The following CYLC2 variants were observed in gnomAD, a reference collection of about 807,000 sequenced individuals.
CYLC2 encodes cylicin-2.
Under a neutral mutation model 26.1 loss-of-function variants are expected in CYLC2, and 30 were observed. The ratio of observed to expected loss-of-function variants is 1.15; its 90% CI spans 0.86 to 1.56. The LOEUF (loss-of-function observed/expected upper bound fraction) is 1.56. CYLC2 is among the 40% of genes most tolerant of loss of function. The probability of loss-of-function intolerance (pLI) is 0.00; values close to 1 mark genes in which losing one functional copy is unlikely to be tolerated. For synonymous variants in CYLC2, 158 were observed against 132.8 expected (o/e 1.19, Z -1.31); for missense variants, 498 against 394.4 (o/e 1.26, Z -2.23).
intron 2 of CYLC2, among the ~76,000 whole-genome samples, chr9:103,002,486 C>T (rs1325434247): frequency 2.6e-5 from 4 of 151,170 alleles, no homozygotes; most frequent in African/African-American, 9.7e-5. Context: ...CTGCCTCAGC[C>T]TCCTGAGTAG....
At position 103,005,806 on chromosome 9, in the gene CYLC2, G is replaced by T; in HGVS notation, c.*128G>T. 9.8e-7 allele frequency: 1 copy of T among 1,021,768 alleles called. No homozygotes were observed. The allele number at this position is 1,021,768 out of a possible 1,614,324, so 63.3% of individuals were successfully genotyped here. A position where few individuals can be genotyped will look rare whatever the true frequency, so the allele number is the denominator to read the frequency against. On this transcript the variant is annotated 3_prime_UTR_variant, in exon 5 of 8. Transcript: ENST00000374798. The stretch of plus-strand genomic sequence containing the variant: ...AAGAATTAAATAATTTTTAAAAGGT[G>T]GTAAAGAAGGATACAAAGGAGAACT...
chr9:103,016,790 A>T (rs1829510842), intron 6 of CYLC2, 98 bp from the exon 7 acceptor site: 3 of 152,142 alleles, frequency 2.0e-5, no homozygotes, highest in Admixed American at 1.3e-4. Context: ...AGATGGCTGA[A>T]CATGAAAGAT....
chr9:103,003,648 A>T (rs1829310743), intron 3 of CYLC2, among the ~76,000 whole-genome samples: 2 of 152,204 alleles, frequency 1.3e-5, no homozygotes, highest in African/African-American at 2.4e-5. Flanking sequence ...ATTTTACTGT[A>T]TACAGTTGCC....
At chr9:103,012,483 C>A (rs1442058692) in intron 6 of CYLC2, among the ~76,000 whole-genome samples, 1 of 151,880 alleles carries the variant, frequency 6.6e-6, no homozygotes, top group Admixed American at 6.6e-5. Context: ...CCATTCTAAG[C>A]CTTGTATATA....
Position 103,004,711 on chromosome 9 carries a change from A to C in CYLC2, c.197A>C (p.Gln66Pro). Residue 66 changes from glutamine to proline, a missense_variant, in exon 4 of 8, where the codon CAA (glutamine) becomes CCA (proline). Physicochemically the swap from Gln to Pro is moderately conservative, Grantham distance 76 (BLOSUM62 -1). Coordinates refer to ENST00000374798, the MANE Select transcript of CYLC2 (RefSeq NM_001340.5). ...ATCTTTCAGATAATTGATGAAGAAC[A>C]ATTAAGAGGAGATCGTAGACAACCA... The part of the protein sequence containing the change: ...DNTVSIIDEE[Q>P]LRGDRRQPLW... 1 of 1,591,914 alleles carries C rather than the reference A, an allele frequency of 6.3e-7. No individual in the cohort carries two copies. Among genetic ancestry groups the C allele is most frequent in the Non-Finnish European group, 8.5e-7 (1 of 1,173,362 alleles).
chr9:103,002,392 GTC>G (rs1829297880), intron 2 of CYLC2, among the ~76,000 whole-genome samples: 1 of 103,214 alleles, frequency 9.7e-6, no homozygotes, highest in African/African-American at 3.9e-5. Context: ...TTGAGACAGA[GTC>G]TTGCTCTGTC....
At chr9:103,014,400 G>C (rs1382761556) in intron 6 of CYLC2, among the ~76,000 whole-genome samples, 1 of 101,982 alleles carries the variant, frequency 9.8e-6, no homozygotes, top group Non-Finnish European at 1.9e-5. Context: ...ATAACATAAT[G>C]TATGTTACGT....
intron 5 of CYLC2, among the ~76,000 whole-genome samples, chr9:103,007,662 C>A (rs570635628): frequency 6.6e-6 from 1 of 152,194 alleles, no homozygotes; most frequent in Admixed American, 6.5e-5. Flanking sequence ...AATTAAATGA[C>A]AATTCATTTA....
intron 1 of CYLC2, among the ~76,000 whole-genome samples, chr9:102,997,812 T>C (rs1258508632): frequency 6.6e-6 from 1 of 151,864 alleles, no homozygotes; most frequent in Non-Finnish European, 1.5e-5. Context: ...TGTATTTAGA[T>C]TAAAATATAA....
chr9:103,014,465 T>TAATATACATAATATGTATATTATGC (rs1564101165), intron 6 of CYLC2, among the ~76,000 whole-genome samples: 24 of 136,272 alleles, frequency 1.8e-4, no homozygotes, highest in South Asian at 7.1e-4. Flanking sequence ...GTATATTACG[T>TAATATACATAATATGTATATTATGC]AATATACATA....
rs754723609 is a variant in CYLC2, at chr9:103,005,460, C to A, written c.829C>A (p.Pro277Thr). ...AAAAGGTAAGAAAGATAAGAAGAAG[C>A]CCAGTAGTACAGACAGTGACTCAAA... ...IKKGKKDKKK[P>T]SSTDSDSKDD... Residue 277 changes from proline (P) to threonine (T), a missense_variant, in exon 5 of 8, where the codon CCC (proline) becomes ACC (threonine). Transcript: ENST00000374798. The A allele has an allele frequency of 6.2e-7, 1 of 1,613,078 alleles. No homozygotes were observed. Among genetic ancestry groups the A allele is most frequent in the Non-Finnish European group, 8.5e-7 (1 of 1,179,768 alleles).
In CYLC2 at chr9:103,005,082, AAAG is replaced by A. The variant is rs1322947231; in HGVS notation, c.457_459del (p.Glu153del). 6.2e-7 allele frequency: 1 copy of A among 1,606,822 alleles called. No individual in the cohort carries two copies. The highest frequency in any genetic ancestry group is 2.2e-5 in the East Asian group (1 of 44,790). On this transcript the variant is annotated inframe_deletion, in exon 5 of 8. Transcript: ENST00000374798. ...GAAAGGCAAGGATATAGAGAAAGGA[AAAG>A]AAGAAAAGCTAGATGCAAAGAAAGA...
At chr9:103,008,107 C>T (rs1032576751) in intron 5 of CYLC2, among the ~76,000 whole-genome samples, 1 of 152,004 alleles carries the variant, frequency 6.6e-6, no homozygotes, top group Non-Finnish European at 1.5e-5. Flanking sequence ...GAAATGTTAC[C>T]ATCTCTCTGA....
At chr9:103,013,485 A>C (rs1286132872) in intron 6 of CYLC2, among the ~76,000 whole-genome samples, 2 of 106,732 alleles carry the variant, frequency 1.9e-5, no homozygotes, top group Non-Finnish European at 3.4e-5. Context: ...ATATATATTT[A>C]ACATATTACA....
At chr9:103,013,167 T>TAAATATATATTTAATATATTATAA (rs1829429468) in intron 6 of CYLC2, among the ~76,000 whole-genome samples, 1 of 135,590 alleles carries the variant, frequency 7.4e-6, no homozygotes, top group Non-Finnish European at 1.5e-5. Context: ...ATATATTATA[T>TAAATATATATTTAATATATTATAA]AAATATATAT....
At position 103,013,345 on chromosome 9, in the gene CYLC2, A is replaced by AATATATATTTAATATAATATAT; in HGVS notation, c.*816+1249_*816+1250insTATATATTTAATATAATATATA. 1.8e-4 allele frequency among the ~76,000 whole-genome samples: 3 copies of AATATATATTTAATATAATATAT among 16,630 alleles called. 1 individual carries two copies. The South Asian group carries it at 0.017, about 94-fold the overall frequency. The allele number at this position is 16,630 out of a possible 152,430, so 10.9% of individuals were successfully genotyped here. ...CCTATATATATTTAATATATTATATAAATATATATTATATAAATATATATT... is the reference window on the plus strand; with the variant it reads ...CCTATATATATTTAATATATTATATAATATATATTTAATATAATATATAATATATATTATATAAATATATATT... On this transcript the variant is annotated intron_variant, in intron 6 of 7. Coordinates refer to ENST00000374798, the MANE Select transcript of CYLC2 (RefSeq NM_001340.5).
chr9:103,014,457 A>G (rs1587856130), intron 6 of CYLC2, among the ~76,000 whole-genome samples: 1 of 132,624 alleles, frequency 7.5e-6, no homozygotes, highest in South Asian at 2.5e-4. Flanking sequence ...TACATAATGT[A>G]TATTACGTAA....
At chr9:103,012,673 T>A (rs1318643022) in intron 6 of CYLC2, among the ~76,000 whole-genome samples, 3 of 152,064 alleles carry the variant, frequency 2.0e-5, no homozygotes, top group Admixed American at 1.3e-4. Flanking sequence ...AATTGAGTTT[T>A]CTTATCAGGC....
chr9:103,005,499 A>G lies in CYLC2; in HGVS notation c.868A>G (p.Lys290Glu). ...TDSDSKDDVK[K>E]ESKKDATKDA... is the part of the protein sequence containing the mutation. ...CAGTGACTCAAAGGATGATGTCAAG[A>G]AAGAGTCTAAGAAGGACGCCACGAA... The change falls in exon 5 of 8, where the codon AAA becomes GAA. Residue 290 changes from lysine (K) to glutamate (E), a missense_variant. Lys to Glu is a moderately conservative substitution (Grantham distance 56). Coordinates refer to ENST00000374798, the MANE Select transcript of CYLC2 (RefSeq NM_001340.5). 4.3e-6 allele frequency: 7 copies of G among 1,613,598 alleles called. No individual in the cohort carries two copies. Among genetic ancestry groups the G allele is most frequent in the Non-Finnish European group, 5.9e-6 (7 of 1,179,770 alleles).
Sources: gnomAD v4.1 joint callset for allele counts (sites outside exome capture counted in the v4.1 genomes callset) on GRCh38, gnomAD v4.1.1 for gene constraint, MANE v1.5 for transcripts, NCBI Gene and HGNC (gene_info 2026-07-23, HGNC 2026-07-21) for gene names.